NEGR1: variants seen among roughly 807,000 people sequenced by gnomAD.
The protein encoded by NEGR1 is IgLON family member 4.
NEGR1 carries 10 observed loss-of-function variants against 40.9 expected under a neutral mutation model. That is an observed-to-expected ratio of 0.24 (90% CI 0.15 to 0.42). The LOEUF (loss-of-function observed/expected upper bound fraction) is 0.42. NEGR1 is among the 10% of genes least tolerant of loss of function. The probability of loss-of-function intolerance (pLI) is 1.00; values close to 1 mark genes in which losing one functional copy is unlikely to be tolerated. For missense variants in NEGR1, 352 were observed against 438.9 expected, an observed-to-expected ratio of 0.80 and a Z score of 1.77; for synonymous variants, 185 against 166.8, an observed-to-expected ratio of 1.11 and a Z score of -0.84.
chr1:71,525,320 G>T (rs867655121), intron 6 of NEGR1, among the ~76,000 whole-genome samples: 2 of 151,602 alleles, frequency 1.3e-5, no homozygotes. Context: ...GAATTTTGGG[G>T]GGAAATTCTA....
At chr1:72,247,139 G>A (rs752996138) in intron 1 of NEGR1, among the ~76,000 whole-genome samples, 1 of 152,156 alleles carries the variant, frequency 6.6e-6, no homozygotes, top group Admixed American at 6.5e-5. Flanking sequence ...GATGAGAGGG[G>A]CTGTCATTAA....
chr1:72,087,751 C>CTTTTTTTTT (rs1194408394), intron 1 of NEGR1, among the ~76,000 whole-genome samples: 3 of 95,076 alleles, frequency 3.2e-5, no homozygotes, highest in East Asian at 5.8e-4. Flanking sequence ...TGCCACTGTG[C>CTTTTTTTTT]TTTTTTTTTT....
At chr1:71,726,045 G>T (rs1029696259) in intron 3 of NEGR1, among the ~76,000 whole-genome samples, 2 of 152,144 alleles carry the variant, frequency 1.3e-5, no homozygotes, top group African/African-American at 2.4e-5. Flanking sequence ...TGCTTGGAAA[G>T]AATGCTGGAT....
intron 1 of NEGR1, among the ~76,000 whole-genome samples, chr1:72,020,607 T>C (rs542879657): frequency 7.2e-4 from 110 of 151,808 alleles, no homozygotes; most frequent in African/African-American, 2.5e-3. Context: ...CAGAAAAAGA[T>C]ATGTCAGGCA....
intron 6 of NEGR1, among the ~76,000 whole-genome samples, chr1:71,454,197 AG>A (rs1366628860): frequency 6.6e-6 from 1 of 152,132 alleles, no homozygotes; most frequent in Non-Finnish European, 1.5e-5. Flanking sequence ...AATTACTCTT[AG>A]TTTTTGCTAA....
chr1:71,710,416 T>A (rs916341065), intron 3 of NEGR1, among the ~76,000 whole-genome samples: 5 of 152,186 alleles, frequency 3.3e-5, no homozygotes, highest in African/African-American at 1.2e-4. Flanking sequence ...CAAGGAGGTA[T>A]CTGTACTCCT....
intron 2 of NEGR1, among the ~76,000 whole-genome samples, chr1:71,910,202 G>T (rs753194643): frequency 6.6e-6 from 1 of 152,122 alleles, no homozygotes; most frequent in African/African-American, 2.4e-5. Context: ...GCTAGATGTT[G>T]GCGATAAACT....
chr1:72,008,137 G>A (rs10889940), intron 1 of NEGR1, among the ~76,000 whole-genome samples: 26,434 of 151,920 alleles, frequency 0.17, 2,930 homozygotes, highest in East Asian at 0.44. Context: ...GCGGATATAC[G>A]TGTTCATTGG....
intron 2 of NEGR1, among the ~76,000 whole-genome samples, chr1:71,928,547 C>T (rs7536900): frequency 6.5e-4 from 85 of 130,868 alleles, no homozygotes; most frequent in African/African-American, 2.3e-3. Context: ...CATATATATA[C>T]ACATATGTGT....
intron 2 of NEGR1, among the ~76,000 whole-genome samples, chr1:71,896,375 G>T (rs932684085): frequency 1.3e-5 from 2 of 152,050 alleles, no homozygotes; most frequent in Non-Finnish European, 2.9e-5. Context: ...CAAATTATTT[G>T]ACCACTTTCT....
At chr1:71,639,621 A>C (rs1213586500) in intron 4 of NEGR1, among the ~76,000 whole-genome samples, 1 of 152,038 alleles carries the variant, frequency 6.6e-6, no homozygotes, top group East Asian at 1.9e-4. Context: ...ATTTTCTCAG[A>C]ATATACACTG....
chr1:72,225,898 ATTTTTGAAGATAATG>A (rs1201380763), intron 1 of NEGR1, among the ~76,000 whole-genome samples: 3 of 151,744 alleles, frequency 2.0e-5, no homozygotes, highest in Non-Finnish European at 4.4e-5. Flanking sequence ...ATTTTTTATT[ATTTTTGAAGATAATG>A]TTTTTGAAGA....
intron 1 of NEGR1, among the ~76,000 whole-genome samples, chr1:72,157,433 G>A (rs1651401702): frequency 1.3e-5 from 2 of 152,092 alleles, no homozygotes; most frequent in Non-Finnish European, 2.9e-5. Flanking sequence ...GCATTTTGAT[G>A]ACTTGCTTTT....
At chr1:72,033,493 T>C (rs1646876755) in intron 1 of NEGR1, among the ~76,000 whole-genome samples, 1 of 152,186 alleles carries the variant, frequency 6.6e-6, no homozygotes, top group Admixed American at 6.5e-5. Context: ...CCATAAACGA[T>C]GCTGTTTCTT....
At chr1:71,554,057 A>T (rs1400880993) in intron 6 of NEGR1, among the ~76,000 whole-genome samples, 1 of 151,548 alleles carries the variant, frequency 6.6e-6, no homozygotes, top group African/African-American at 2.4e-5. Flanking sequence ...ACTTTTGAGA[A>T]TTAAAAGAAA....
intron 3 of NEGR1, among the ~76,000 whole-genome samples, chr1:71,761,421 G>A (rs886778228): frequency 1.1e-4 from 17 of 152,192 alleles, no homozygotes; most frequent in African/African-American, 2.2e-4. Context: ...TGTTTACTCC[G>A]TTTATCCTGA....
chr1:72,091,459 C>G (rs1203214964), intron 1 of NEGR1, among the ~76,000 whole-genome samples: 5 of 142,128 alleles, frequency 3.5e-5, no homozygotes, highest in Non-Finnish European at 6.1e-5. Context: ...ATCCCTAACT[C>G]CCTCCCTCCC....
rs566205529 is a variant in NEGR1 at position 71,769,602 on chromosome 1, C to G, written c.535+6570G>C. On this transcript the variant is annotated intron_variant, in intron 3 of 6. Transcript: ENST00000357731. ...TACTAGGGGGTTTTCCCCCATTTTGCTTGGCACTTCTCTTTGATGCCACCA... is the reference window on the plus strand; with the variant it reads ...TACTAGGGGGTTTTCCCCCATTTTGGTTGGCACTTCTCTTTGATGCCACCA... Among the ~76,000 whole-genome samples, 3 of 152,190 alleles carry G rather than the reference C, an allele frequency of 2.0e-5. No individual in the cohort carries two copies. The South Asian group carries it at 6.2e-4, about 32-fold the overall frequency.
chr1:71,409,247 C>A (rs1296636352), intron 6 of NEGR1, among the ~76,000 whole-genome samples: 1 of 151,752 alleles, frequency 6.6e-6, no homozygotes, highest in African/African-American at 2.4e-5. Flanking sequence ...TTTAAAAATA[C>A]AAATTAATCT....
Sources: gnomAD v4.1 joint callset for allele counts (sites outside exome capture counted in the v4.1 genomes callset) on GRCh38, gnomAD v4.1.1 for gene constraint, MANE v1.5 for transcripts, NCBI Gene and HGNC (gene_info 2026-07-23, HGNC 2026-07-21) for gene names.